FHOD3: variants seen among roughly 807,000 people sequenced by gnomAD.
FHOD3 encodes the protein formin homology 2 domain containing 3.
Under a neutral mutation model 173.0 loss-of-function variants are expected in FHOD3, and 90 were observed. The observed-to-expected ratio is 0.52, with a 90% CI of 0.44 to 0.62. The LOEUF (loss-of-function observed/expected upper bound fraction) is 0.62, where lower values mean the gene tolerates loss of function less well. FHOD3 is among the 20% of genes least tolerant of loss of function. The pLI, the probability that FHOD3 is intolerant of heterozygous loss-of-function variation, is 0.00. For synonymous variants in FHOD3, 828 were observed against 823.0 expected, an observed-to-expected ratio of 1.01 and a Z score of -0.10; for missense variants, 1,945 against 2,034.7, an observed-to-expected ratio of 0.96 and a Z score of 0.85.
At chr18:36,460,861 T>C (rs1426421467) in intron 3 of FHOD3, among the ~76,000 whole-genome samples, 1 of 152,124 alleles carries the variant, frequency 6.6e-6, no homozygotes, top group Non-Finnish European at 1.5e-5. Flanking sequence ...AGATTATTAT[T>C]AGGTTTCCTA....
intron 2 of FHOD3, among the ~76,000 whole-genome samples, chr18:36,368,043 A>G (rs2046989177): frequency 2.0e-5 from 3 of 152,030 alleles, no homozygotes; most frequent in African/African-American, 4.8e-5. Context: ...CTCTTTCCTT[A>G]TAAATTAGCC....
At chr18:36,338,618 AG>A (rs2045446720) in intron 1 of FHOD3, among the ~76,000 whole-genome samples, 1 of 152,104 alleles carries the variant, frequency 6.6e-6, no homozygotes, top group African/African-American at 2.4e-5. Flanking sequence ...TTATCCCTTA[AG>A]GGCTGTTTTC....
intron 5 of FHOD3, among the ~76,000 whole-genome samples, chr18:36,575,886 A>G (rs1340990241): frequency 2.0e-5 from 3 of 152,208 alleles, no homozygotes; most frequent in East Asian, 3.8e-4. Flanking sequence ...GTGTGATATC[A>G]TGTATTTTCA....
intron 21 of FHOD3, 140 bp downstream of exon 21, chr18:36,740,978 G>A (rs1216273618): frequency 3.8e-6 from 3 of 793,538 alleles, no homozygotes; most frequent in Non-Finnish European, 5.6e-6. Flanking sequence ...AGGAGGTCGT[G>A]TGTACACCAA....
At position 36,717,907 on chromosome 18, in the gene FHOD3, T is replaced by C. The variant is rs2040548434; in HGVS notation, c.2609T>C (p.Met870Thr). The change falls in exon 19 of 29, where the codon ATG (methionine) becomes ACG (threonine). Residue 870 changes from methionine to threonine, a missense_variant. Physicochemically the swap from Met to Thr is moderately conservative, Grantham distance 81. Around this residue, in one of 5 missense-constraint regions of FHOD3, gnomAD observed 1,099 missense variants for 1,051.2 expected, o/e 1.05. Coordinates refer to ENST00000590592, the MANE Select transcript of FHOD3 (RefSeq NM_001281740.3). ...GACATCCTCACCAACAAACGGTTCA[T>C]GCTTGACATGCTGTATGCCCATAAC... ...CGDILTNKRF[M>T]LDMLYAHNRK... 6.2e-7 allele frequency: 1 copy of C among 1,613,754 alleles called. No homozygotes were observed. The highest frequency in any genetic ancestry group is 8.5e-7 in the Non-Finnish European group (1 of 1,179,816).
chr18:36,411,342 G>A (rs555626412), intron 3 of FHOD3, among the ~76,000 whole-genome samples: 29 of 152,196 alleles, frequency 1.9e-4, no homozygotes, highest in Non-Finnish European at 2.6e-4. Context: ...TTTGGGATCC[G>A]TTGTGAAGAA....
chr18:36,663,592 G>A (rs552961086), intron 14 of FHOD3, among the ~76,000 whole-genome samples: 1 of 152,356 alleles, frequency 6.6e-6, no homozygotes, highest in South Asian at 2.1e-4. Context: ...CTGGGAAAGT[G>A]GAAGCCTTCT....
At chr18:36,518,289 G>T (rs1243956248) in intron 5 of FHOD3, among the ~76,000 whole-genome samples, 1 of 152,124 alleles carries the variant, frequency 6.6e-6, no homozygotes, top group Non-Finnish European at 1.5e-5. Context: ...CATGACACTG[G>T]TCCTGTGTCC....
intron 9 of FHOD3, among the ~76,000 whole-genome samples, chr18:36,614,730 C>A (rs117699197): frequency 0.026 from 3,896 of 152,066 alleles, 65 homozygotes; most frequent in South Asian, 0.039. Context: ...TTTTGACTTG[C>A]ATTTCCCTGT....
intron 3 of FHOD3, among the ~76,000 whole-genome samples, chr18:36,373,105 C>T (rs1289306211): frequency 6.6e-6 from 1 of 152,142 alleles, no homozygotes; most frequent in Non-Finnish European, 1.5e-5. Flanking sequence ...CAAGTGGAGT[C>T]TGGGGCTCCA....
intron 1 of FHOD3, among the ~76,000 whole-genome samples, chr18:36,323,999 C>T (rs2044536908): frequency 6.6e-6 from 1 of 152,200 alleles, no homozygotes. Flanking sequence ...TGTTGATTTT[C>T]CCTGTGAGGA....
chr18:36,308,674 A>C (rs1368546898), intron 1 of FHOD3, among the ~76,000 whole-genome samples: 2 of 152,126 alleles, frequency 1.3e-5, no homozygotes, highest in Non-Finnish European at 2.9e-5. Flanking sequence ...GCGTCCCTCC[A>C]CCAGATGTAA....
At chr18:36,447,509 C>T (rs1379926532) in intron 3 of FHOD3, among the ~76,000 whole-genome samples, 2 of 147,544 alleles carry the variant, frequency 1.4e-5, no homozygotes, top group Non-Finnish European at 3.0e-5. Flanking sequence ...TGTTTTTTCC[C>T]CCAATAGGGT....
chr18:36,531,782 G>T (rs919913208), intron 5 of FHOD3, among the ~76,000 whole-genome samples: 1 of 152,132 alleles, frequency 6.6e-6, no homozygotes, highest in Non-Finnish European at 1.5e-5. Flanking sequence ...CACGTCTTCC[G>T]CTGTCTACAG....
chr18:36,342,859 A>G (rs2045692417), intron 1 of FHOD3, among the ~76,000 whole-genome samples: 1 of 152,256 alleles, frequency 6.6e-6, no homozygotes, highest in Non-Finnish European at 1.5e-5. Context: ...AAATGGGCAA[A>G]GGATTTTAAT....
intron 9 of FHOD3, among the ~76,000 whole-genome samples, chr18:36,623,938 T>C (rs2220933): frequency 0.97 from 148,312 of 152,324 alleles, 72,346 homozygotes; most frequent in East Asian, 1. Context: ...TTGCAATAGC[T>C]AGGTTTTCTG....
In FHOD3 at chr18:36,368,906, G is replaced by C. The variant is rs117097507; in HGVS notation, c.273-3774G>C. Among the ~76,000 whole-genome samples the C allele has an allele frequency of 1.6e-4, 25 of 152,206 alleles. 1 individual carries two copies. In the East Asian group the frequency reaches 4.8e-3, roughly 29 times the overall value. ...CCCCTGATCCAATCACCCCCCACCAGGTCCCTCCCTCACACCTGGGGATTA... is the reference window on the plus strand; with the variant it reads ...CCCCTGATCCAATCACCCCCCACCACGTCCCTCCCTCACACCTGGGGATTA... On this transcript the variant is annotated intron_variant, in intron 2 of 28. Coordinates refer to ENST00000590592, the MANE Select transcript of FHOD3 (RefSeq NM_001281740.3).
intron 18 of FHOD3, among the ~76,000 whole-genome samples, chr18:36,716,256 G>A (rs2040444194): frequency 6.6e-6 from 1 of 152,222 alleles, no homozygotes; most frequent in Admixed American, 6.5e-5. Flanking sequence ...ACCCACGCTG[G>A]CCTGGCCCAT....
At chr18:36,544,430 G>T (rs1046181463) in intron 5 of FHOD3, 1 of 152,264 alleles carries the variant, frequency 6.6e-6, no homozygotes, top group African/African-American at 2.4e-5. Context: ...TATTAGTTGG[G>T]GCCAAAGCCC....
Sources: gnomAD v4.1 joint callset for allele counts (sites outside exome capture counted in the v4.1 genomes callset) on GRCh38, gnomAD v4.1.1 for gene constraint, gnomAD v4.1.1 regional missense constraint, MANE v1.5 for transcripts, NCBI Gene and HGNC (gene_info 2026-07-23, HGNC 2026-07-21) for gene names.